Variants in EYS observed in about 807,000 individuals in gnomAD.
EYS encodes the protein EGF-like photoreceptor maintenance factor.
A neutral mutation model predicts 282.1 loss-of-function variants in EYS; 250 were observed. The ratio of observed to expected loss-of-function variants is 0.89; its 90% CI spans 0.80 to 0.98. EYS has a LOEUF of 0.98. EYS is among the 50% of genes least tolerant of loss of function. The pLI, the probability that EYS is intolerant of heterozygous loss-of-function variation, is 0.00. For missense variants in EYS, 4,016 were observed against 3,709.0 expected (o/e 1.08, Z -2.15); for synonymous variants, 1,355 against 1,282.9 (o/e 1.06, Z -1.20).
Position 65,652,296 on chromosome 6 carries a change from CAGAAGTA to C in EYS, c.-447-12411_-447-12405del, listed in dbSNP as rs532658565. 5.7e-4 allele frequency among the ~76,000 whole-genome samples: 86 copies of C among 151,936 alleles called. 1 individual carries two copies. Among genetic ancestry groups the C allele is most frequent in the African/African-American group, 2.0e-3 (81 of 41,480 alleles). On this transcript the variant is annotated intron_variant, in intron 1 of 42. Coordinates refer to ENST00000503581, the MANE Select transcript of EYS (RefSeq NM_001142800.2). ...GAACACTATGATGGAGTTATAGATGCAGAAGTAATTTTGTAGTTGACTTTGAAAATTG... is the reference window on the plus strand; with the variant it reads ...GAACACTATGATGGAGTTATAGATGCATTTTGTAGTTGACTTTGAAAATTG...
chr6:65,322,795 CAAAA>C (rs57571912), intron 11 of EYS, among the ~76,000 whole-genome samples: 3 of 71,580 alleles, frequency 4.2e-5, no homozygotes, highest in African/African-American at 9.7e-5. Context: ...GAATCCGTCT[CAAAA>C]AAAAAAAAAA....
In EYS at chr6:64,388,736, C is replaced by T; in HGVS notation, c.6032G>A (p.Gly2011Glu). 6.5e-7 allele frequency: 1 copy of T among 1,544,176 alleles called. No individual in the cohort carries two copies. Among genetic ancestry groups the T allele is most frequent in the Admixed American group, 2.0e-5 (1 of 50,188 alleles). ...TGGAAATCCACCAATGAAGACAGAT[C>T]CTGATTTTGGCAGGGGTTTTCCGAG... is the stretch of plus-strand genomic sequence containing the variant. ...HVLGKPLPKSGSVFIGGFPDL... is the reference protein window; with the variant it reads ...HVLGKPLPKSESVFIGGFPDL... The change falls in exon 29 of 43, where the codon GGA becomes GAA. Residue 2011 changes from glycine (G) to glutamate (E), a missense_variant. Transcript: ENST00000503581.
intron 22 of EYS, among the ~76,000 whole-genome samples, chr6:64,663,903 C>A (rs1769136548): frequency 6.6e-6 from 1 of 152,108 alleles, no homozygotes; most frequent in African/African-American, 2.4e-5. Context: ...ACCATGGAAC[C>A]CAGCGACTAG....
At chr6:64,804,620 T>C (rs1454176618) in intron 22 of EYS, among the ~76,000 whole-genome samples, 2 of 152,166 alleles carry the variant, frequency 1.3e-5, no homozygotes, top group Non-Finnish European at 2.9e-5. Context: ...TGTTTGATCC[T>C]ATGGATCGTA....
At chr6:63,894,539 C>G (rs1159692461) in intron 35 of EYS, among the ~76,000 whole-genome samples, 5 of 152,142 alleles carry the variant, frequency 3.3e-5, no homozygotes, top group South Asian at 4.2e-4. Context: ...TTTCTGACTT[C>G]CAGAACTGGG....
chr6:65,653,124 G>C (rs561326249), intron 1 of EYS, among the ~76,000 whole-genome samples: 13 of 152,034 alleles, frequency 8.6e-5, no homozygotes, highest in Admixed American at 3.3e-4. Context: ...AATTCAGAGA[G>C]AAAGGGCGAG....
intron 2 of EYS, among the ~76,000 whole-genome samples, chr6:65,614,190 C>T (rs972820461): frequency 6.6e-6 from 1 of 151,930 alleles, no homozygotes; most frequent in Non-Finnish European, 1.5e-5. Flanking sequence ...TACAAATGCA[C>T]ATTATGAGTG....
chr6:64,829,804 G>A (rs912603634), intron 19 of EYS, among the ~76,000 whole-genome samples: 7 of 151,928 alleles, frequency 4.6e-5, no homozygotes, highest in South Asian at 4.1e-4. Flanking sequence ...TGAGTGAACC[G>A]ATGTGCCATC....
At chr6:63,937,802 G>A (rs1047718249) in intron 35 of EYS, among the ~76,000 whole-genome samples, 10 of 152,026 alleles carry the variant, frequency 6.6e-5, no homozygotes, top group African/African-American at 2.4e-4. Context: ...AACTATGCTG[G>A]ATATTTAATA....
intron 28 of EYS, among the ~76,000 whole-genome samples, chr6:64,426,575 A>G (rs540061202): frequency 4.5e-4 from 68 of 152,148 alleles, no homozygotes; most frequent in African/African-American, 1.6e-3. Context: ...GGTTCAGCAG[A>G]GAGAAAAAGA....
chr6:64,679,397 C>A (rs767517679), intron 22 of EYS, among the ~76,000 whole-genome samples: 1 of 152,092 alleles, frequency 6.6e-6, no homozygotes, highest in African/African-American at 2.4e-5. Context: ...CCTTATTACA[C>A]CTTTATGTAG....
At chr6:64,836,692 G>A (rs1387238162) in intron 19 of EYS, among the ~76,000 whole-genome samples, 2 of 151,510 alleles carry the variant, frequency 1.3e-5, no homozygotes, top group Non-Finnish European at 3.0e-5. Context: ...TTACAATCTC[G>A]ATTGGTCTGC....
At chr6:65,099,332 T>C (rs1369837107) in intron 12 of EYS, among the ~76,000 whole-genome samples, 1 of 150,748 alleles carries the variant, frequency 6.6e-6, no homozygotes, top group African/African-American at 2.4e-5. Flanking sequence ...TCTACATTTA[T>C]GAATAAAATA....
intron 36 of EYS, among the ~76,000 whole-genome samples, chr6:63,848,630 C>T (rs1050808690): frequency 9.2e-5 from 14 of 151,952 alleles, no homozygotes; most frequent in African/African-American, 2.4e-4. Context: ...GGCTGTGTCA[C>T]GAGGGATGGT....
At chr6:65,332,351 G>C (rs1230935327) in intron 11 of EYS, 1 of 801,548 alleles carries the variant, frequency 1.2e-6, no homozygotes, top group African/African-American at 1.7e-5. Flanking sequence ...ATCCCACCTG[G>C]TCATGCTGTA....
At chr6:63,881,078 G>C (rs1009947029) in intron 35 of EYS, among the ~76,000 whole-genome samples, 1 of 152,018 alleles carries the variant, frequency 6.6e-6, no homozygotes, top group Non-Finnish European at 1.5e-5. Flanking sequence ...AGAATAAAAG[G>C]AACAACCAAC....
At chr6:64,912,405 C>T in intron 16 of EYS, 79 bp downstream of exon 16, 1 of 1,319,446 alleles carries the variant, frequency 7.6e-7, no homozygotes, top group Non-Finnish European at 1.1e-6. Flanking sequence ...TTTAGGAGGC[C>T]ATCATCCCAT....
At chr6:64,789,614 T>A (rs778021090) in intron 22 of EYS, among the ~76,000 whole-genome samples, 3 of 152,174 alleles carry the variant, frequency 2.0e-5, no homozygotes, top group Non-Finnish European at 4.4e-5. Flanking sequence ...GTTCACATAA[T>A]ACTTTCCATT....
chr6:64,410,664 T>C (rs9351246), intron 28 of EYS, among the ~76,000 whole-genome samples: 42,157 of 152,080 alleles, frequency 0.28, 5,966 homozygotes, highest in East Asian at 0.46. Context: ...GTTTATAATA[T>C]TTTCATAAAA....
Sources: gnomAD v4.1 joint callset for allele counts (sites outside exome capture counted in the v4.1 genomes callset) on GRCh38, gnomAD v4.1.1 for gene constraint, MANE v1.5 for transcripts, NCBI Gene and HGNC (gene_info 2026-07-23, HGNC 2026-07-21) for gene names.